VPS13D: variants seen among roughly 807,000 people sequenced by gnomAD.
The protein encoded by VPS13D is vacuolar protein sorting 13 homolog D, also known as intermembrane lipid transfer protein VPS13D.
Under a neutral mutation model 461.9 loss-of-function variants are expected in VPS13D, and 187 were observed. That is an observed-to-expected ratio of 0.40 (90% CI 0.36 to 0.46). The LOEUF is 0.46. VPS13D is among the 20% of genes least tolerant of loss of function. VPS13D has a pLI of 0.60. For synonymous variants in VPS13D, 1,951 were observed against 1,986.3 expected (o/e 0.98, Z 0.47); for missense variants, 4,711 against 5,364.9 (o/e 0.88, Z 3.81).
Position 12,473,895 on chromosome 1 carries a change from C to T in VPS13D, c.12662+13499C>T, listed in dbSNP as rs1645595701. Among the ~76,000 whole-genome samples, 1 of 152,150 alleles carries T rather than the reference C, an allele frequency of 6.6e-6. No homozygotes were observed. The highest frequency in any genetic ancestry group is 6.6e-5 in the Admixed American group (1 of 15,266). On this transcript the variant is annotated intron_variant, in intron 67 of 69. Coordinates refer to ENST00000620676, the MANE Select transcript of VPS13D (RefSeq NM_015378.4). The surrounding 1 kb of genome is among the most constrained non-coding windows in gnomAD (Gnocchi z 4.2). ...TGAGTTGCTGGGTGGAGGGACTCTC[C>T]TGGGCTCTGAGCCTTTGTGTGTGGG...
intron 67 of VPS13D, among the ~76,000 whole-genome samples, chr1:12,484,918 A>T (rs1240926484): frequency 6.6e-6 from 1 of 151,640 alleles, no homozygotes; most frequent in Non-Finnish European, 1.5e-5. Context: ...TTCGTCTCTT[A>T]TGTTCTGCCA....
At chr1:12,248,298 A>G (rs1346747076) in intron 5 of VPS13D, among the ~76,000 whole-genome samples, 1 of 151,888 alleles carries the variant, frequency 6.6e-6, no homozygotes, top group South Asian at 2.1e-4. Flanking sequence ...ACTTTCTCCC[A>G]TTCTGTGGAT....
At chr1:12,322,837 A>G in intron 34 of VPS13D, 91 bp downstream of exon 34, 3 of 1,087,190 alleles carry the variant, frequency 2.8e-6, no homozygotes, top group Non-Finnish European at 4.0e-6. Flanking sequence ...ACTAAATTGT[A>G]CACAGTTTAA....
At chr1:12,453,052 G>T (rs1267569295) in intron 65 of VPS13D, among the ~76,000 whole-genome samples, 1 of 152,128 alleles carries the variant, frequency 6.6e-6, no homozygotes, top group Non-Finnish European at 1.5e-5. Flanking sequence ...GATCTCTTAG[G>T]TCATCTCATC....
intron 24 of VPS13D, among the ~76,000 whole-genome samples, chr1:12,296,188 G>A (rs1642270592): frequency 6.6e-6 from 1 of 152,128 alleles, no homozygotes; most frequent in South Asian, 2.1e-4. Context: ...ACCTGGCAGT[G>A]GAATTACTGA....
intron 5 of VPS13D, among the ~76,000 whole-genome samples, chr1:12,248,171 G>C (rs1269140058): frequency 6.6e-6 from 1 of 152,142 alleles, no homozygotes; most frequent in African/African-American, 2.4e-5. Flanking sequence ...TTACAGGCAT[G>C]ATCCACCGTG....
chr1:12,508,471 C>T (rs572493226), intron 69 of VPS13D, among the ~76,000 whole-genome samples: 21 of 150,036 alleles, frequency 1.4e-4, no homozygotes, highest in East Asian at 5.9e-4. Flanking sequence ...TTTGGGAGGC[C>T]GAGGCGGGCG....
rs1389955088 is a variant in VPS13D, at chr1:12,495,338, T to C, written c.12663-2162T>C. On this transcript the variant is annotated intron_variant, in intron 67 of 69. Coordinates refer to ENST00000620676, the MANE Select transcript of VPS13D (RefSeq NM_015378.4). This position sits in a 1 kb window ranked among gnomAD's most constrained non-coding sequence, Gnocchi z 4.0. ...CACCCCAGCTAATTTTTTGTATTTT[T>C]AGTAGTATTTTTAGTTTCACCGTGT... is the stretch of plus-strand genomic sequence containing the variant. Among the ~76,000 whole-genome samples the C allele has an allele frequency of 6.6e-6, 1 of 152,066 alleles. No homozygotes were observed. Among genetic ancestry groups the C allele is most frequent in the Non-Finnish European group, 1.5e-5 (1 of 68,012 alleles).
At chr1:12,464,180 C>T (rs879260921) in intron 67 of VPS13D, among the ~76,000 whole-genome samples, 1 of 152,168 alleles carries the variant, frequency 6.6e-6, no homozygotes, top group Non-Finnish European at 1.5e-5. Context: ...GTTGATTGAA[C>T]AGGATCCAGG....
In VPS13D at chr1:12,279,712, T is replaced by C; in HGVS notation, c.4602+62T>C. ...ATATTAGTACTCTATAAATATGATA[T>C]ATATTTATGTATATTACATGTTGGA... On this transcript the variant is annotated intron_variant, in intron 20 of 69. Transcript: ENST00000620676. The surrounding 1 kb of genome is among the most constrained non-coding windows in gnomAD (Gnocchi z 4.3). 7 of 1,236,818 alleles carry C rather than the reference T, an allele frequency of 5.7e-6. No homozygotes were observed. The East Asian group carries it at 7.8e-5, about 14-fold the overall frequency. The allele number at this position is 1,236,818 out of a possible 1,614,324, so 76.6% of individuals were successfully genotyped here. A position where few individuals can be genotyped will look rare whatever the true frequency, so the allele number is the denominator to read the frequency against.
chr1:12,353,406 G>A (rs550448783), intron 46 of VPS13D, among the ~76,000 whole-genome samples: 81 of 151,786 alleles, frequency 5.3e-4, no homozygotes, highest in African/African-American at 1.8e-3. Flanking sequence ...GGTGGTGGTC[G>A]CCTGTAGTCC....
In VPS13D at chr1:12,430,426, C is replaced by G. The variant is rs1161731694; in HGVS notation, c.12333+13599C>G. Among the ~76,000 whole-genome samples, 2 of 152,108 alleles carry G rather than the reference C, an allele frequency of 1.3e-5. 1 individual carries two copies. Among genetic ancestry groups the G allele is most frequent in the African/African-American group, 4.8e-5 (2 of 41,426 alleles). Reference sequence around the variant, plus strand: ...TCTTTTCAAAGACCATACTGCTGCTCTAGAAAGCACTCTTTCCTCCTTCAG... The same window carrying G: ...TCTTTTCAAAGACCATACTGCTGCTGTAGAAAGCACTCTTTCCTCCTTCAG... On this transcript the variant is annotated intron_variant, in intron 65 of 69. Transcript: ENST00000620676.
At chr1:12,486,315 C>T (rs1645796436) in intron 67 of VPS13D, among the ~76,000 whole-genome samples, 1 of 152,214 alleles carries the variant, frequency 6.6e-6, no homozygotes, top group African/African-American at 2.4e-5. Flanking sequence ...TGCTTCTTTC[C>T]TGTGTCTAGT....
chr1:12,264,909 G>T (rs182231821), intron 13 of VPS13D, among the ~76,000 whole-genome samples: 1 of 152,296 alleles, frequency 6.6e-6, no homozygotes, highest in Admixed American at 6.5e-5. Flanking sequence ...AAGCTTCAAA[G>T]AACAGGCTGA....
chr1:12,267,115 G>T (rs1641295337), intron 14 of VPS13D, 104 bp downstream of exon 14: 1 of 1,260,790 alleles, frequency 7.9e-7, no homozygotes, highest in Non-Finnish European at 1.1e-6. Context: ...ATCATCTTGA[G>T]ACTGATGGGC....
chr1:12,295,867 C>T (rs542466921), intron 24 of VPS13D, among the ~76,000 whole-genome samples: 65 of 152,276 alleles, frequency 4.3e-4, no homozygotes, highest in African/African-American at 1.5e-3. Context: ...ATTTTTGGGT[C>T]TATAAGATCC....
chr1:12,411,205 A>G (rs1017384979), intron 63 of VPS13D, among the ~76,000 whole-genome samples: 31 of 152,250 alleles, frequency 2.0e-4, no homozygotes, highest in Non-Finnish European at 4.4e-5. Flanking sequence ...ATCGTTTACT[A>G]GAAAATCTAA....
intron 30 of VPS13D, among the ~76,000 whole-genome samples, chr1:12,316,969 G>A (rs1642902834): frequency 6.6e-6 from 1 of 152,040 alleles, no homozygotes; most frequent in Non-Finnish European, 1.5e-5. Context: ...CACGTCAAAT[G>A]TAGACTTCGG....
intron 67 of VPS13D, among the ~76,000 whole-genome samples, chr1:12,486,707 G>A (rs187869479): frequency 6.6e-6 from 1 of 152,260 alleles, no homozygotes; most frequent in Admixed American, 6.5e-5. Context: ...TGTTACCAAC[G>A]CCCTGCCTTT....
Sources: gnomAD v4.1 joint callset for allele counts (sites outside exome capture counted in the v4.1 genomes callset) on GRCh38, gnomAD v4.1.1 for gene constraint, Gnocchi (gnomAD v3.1) non-coding constraint, MANE v1.5 for transcripts, NCBI Gene and HGNC (gene_info 2026-07-23, HGNC 2026-07-21) for gene names.